Variants in ZC3HC1 observed in about 807,000 individuals in gnomAD.
The protein encoded by ZC3HC1 is zinc finger C3HC-type protein 1.
A neutral mutation model predicts 61.9 loss-of-function variants in ZC3HC1; 38 were observed. The observed-to-expected ratio is 0.61, with a 90% confidence interval of 0.47 to 0.81. ZC3HC1 has a LOEUF of 0.81. Ranked by LOEUF, ZC3HC1 falls within the 30% of genes least tolerant of loss-of-function variation. ZC3HC1 has a pLI of 0.00. For synonymous variants in ZC3HC1, 213 were observed against 229.9 expected (o/e 0.93, Z 0.67); for missense variants, 554 against 622.7 (o/e 0.89, Z 1.17).
intron 9 of ZC3HC1, among the ~76,000 whole-genome samples, chr7:130,021,708 G>A (rs1007954597): frequency 5.3e-5 from 8 of 152,150 alleles, no homozygotes; most frequent in African/African-American, 1.9e-4. Flanking sequence ...ACATGAGGCC[G>A]GAGCAGCTGC....
At chr7:130,039,137 G>A (rs1794544089) in intron 4 of ZC3HC1, 1 of 233,164 alleles carries the variant, frequency 4.3e-6, no homozygotes, top group South Asian at 9.2e-5. Flanking sequence ...CTGAGGTCAA[G>A]AGTTCGAGAC....
intron 4 of ZC3HC1, among the ~76,000 whole-genome samples, chr7:130,031,175 C>T (rs556813545): frequency 6.6e-6 from 1 of 151,526 alleles, no homozygotes; most frequent in South Asian, 2.1e-4. Flanking sequence ...ACTAAAAATA[C>T]AAAATTAGCC....
intron 4 of ZC3HC1, among the ~76,000 whole-genome samples, chr7:130,031,763 G>A (rs1239278053): frequency 2.6e-5 from 4 of 152,170 alleles, no homozygotes; most frequent in Non-Finnish European, 5.9e-5. Context: ...ATCTCTGGCT[G>A]ATGCTGAGGT....
rs375029541 is a variant in ZC3HC1, at chr7:130,034,534, A to T, written c.493+4930T>A. ...AAAAGAGACAGGGTCTTGCTCTGTC[A>T]TGCAGGCTGGAAGGCAGTGACATGA... On this transcript the variant is annotated intron_variant, in intron 4 of 9. Coordinates refer to ENST00000358303, the MANE Select transcript of ZC3HC1 (RefSeq NM_016478.5). 1.1e-4 allele frequency among the ~76,000 whole-genome samples: 17 copies of T among 149,196 alleles called. No homozygotes were observed. The South Asian group carries it at 3.6e-3, about 32-fold the overall frequency.
intron 2 of ZC3HC1, chr7:130,045,618 T>C (rs901632577): frequency 3.2e-5 from 14 of 436,172 alleles, no homozygotes; most frequent in South Asian, 2.2e-4. Context: ...AGACATCAAC[T>C]GGGCCAGGTG....
intron 9 of ZC3HC1, among the ~76,000 whole-genome samples, chr7:130,019,021 C>T (rs970802152): frequency 6.6e-6 from 1 of 151,596 alleles, no homozygotes; most frequent in Non-Finnish European, 1.5e-5. Context: ...TCTGACTTGC[C>T]GTTAGTACAG....
intron 6 of ZC3HC1, among the ~76,000 whole-genome samples, chr7:130,025,059 C>G (rs991166315): frequency 4.0e-5 from 6 of 151,198 alleles, no homozygotes; most frequent in Admixed American, 1.3e-4. Context: ...GCACCCGCCA[C>G]CATGCCCGGC....
intron 4 of ZC3HC1, among the ~76,000 whole-genome samples, chr7:130,034,355 G>C (rs1312398049): frequency 6.6e-6 from 1 of 151,486 alleles, no homozygotes; most frequent in Non-Finnish European, 1.5e-5. Flanking sequence ...TGTGGTGGCG[G>C]GCGCCTGTAG....
intron 4 of ZC3HC1, among the ~76,000 whole-genome samples, chr7:130,031,853 C>T (rs910214065): frequency 6.6e-6 from 1 of 152,182 alleles, no homozygotes. Flanking sequence ...CCCCCCACCA[C>T]ACACAGAGCT....
intron 4 of ZC3HC1, chr7:130,036,862 C>T (rs1474959004): frequency 6.6e-6 from 1 of 152,188 alleles, no homozygotes. Flanking sequence ...TTTCAGGTTT[C>T]TGGCTAGGAC....
Position 130,023,727 on chromosome 7 carries a change from A to C in ZC3HC1, c.1021-4T>G. On this transcript the variant is annotated splice_region_variant and splice_polypyrimidine_tract_variant and intron_variant, in intron 7 of 9. Transcript: ENST00000358303. This position sits in a 1 kb window ranked among gnomAD's most constrained non-coding sequence, Gnocchi z 4.2. The stretch of plus-strand genomic sequence containing the variant: ...TGGGACCAGGGCTCTTTTCAGCCTG[A>C]AGGAAAGGGGAGATAATGGAAGTAC... 1 of 1,611,040 alleles carries C rather than the reference A, an allele frequency of 6.2e-7. No individual in the cohort carries two copies. The highest frequency in any genetic ancestry group is 8.5e-7 in the Non-Finnish European group (1 of 1,177,554).
chr7:130,039,415 T>C, intron 4 of ZC3HC1, 49 bp downstream of exon 4: 3 of 1,416,966 alleles, frequency 2.1e-6, no homozygotes, highest in Non-Finnish European at 2.9e-6. Context: ...ATATTAGAAA[T>C]GCAATGATGA....
At chr7:130,043,207 G>A (rs1794747002) in intron 2 of ZC3HC1, among the ~76,000 whole-genome samples, 2 of 151,990 alleles carry the variant, frequency 1.3e-5, no homozygotes, top group African/African-American at 4.8e-5. Flanking sequence ...AACTTGGGAG[G>A]CGGAGGTTGC....
chr7:130,041,557 C>T (rs1794675078), intron 2 of ZC3HC1, among the ~76,000 whole-genome samples: 1 of 139,050 alleles, frequency 7.2e-6, no homozygotes, highest in Non-Finnish European at 1.5e-5. Context: ...CAGAGTCTTG[C>T]TCTGTCACCC....
intron 4 of ZC3HC1, among the ~76,000 whole-genome samples, chr7:130,030,293 A>G (rs1328562872): frequency 6.7e-6 from 1 of 148,412 alleles, no homozygotes; most frequent in Non-Finnish European, 1.5e-5. Context: ...TCTGCCTCCC[A>G]GGTTCAAGCA....
In ZC3HC1 at chr7:130,023,795, T is replaced by A. The variant is rs966027536; in HGVS notation, c.1021-72A>T. On this transcript the variant is annotated intron_variant, in intron 7 of 9. Transcript: ENST00000358303. This position sits in a 1 kb window ranked among gnomAD's most constrained non-coding sequence, Gnocchi z 4.2. Reference sequence around the variant, plus strand: ...TTATGGTCAGAAATACTTCTTTCTTTAATCTTTTTTCTTTTTTTTTTTGAG... The same window carrying A: ...TTATGGTCAGAAATACTTCTTTCTTAAATCTTTTTTCTTTTTTTTTTTGAG... 1 of 1,313,880 alleles carries A rather than the reference T, an allele frequency of 7.6e-7. No individual in the cohort carries two copies. The highest frequency in any genetic ancestry group is 1.0e-6 in the Non-Finnish European group (1 of 954,952). The allele number at this position is 1,313,880 out of a possible 1,614,324, so 81.4% of individuals were successfully genotyped here. A position where few individuals can be genotyped will look rare whatever the true frequency, so the allele number is the denominator to read the frequency against.
chr7:130,041,527 T>TC (rs1794672095), intron 2 of ZC3HC1, among the ~76,000 whole-genome samples: 2 of 149,648 alleles, frequency 1.3e-5, no homozygotes. Flanking sequence ...ACTCATTCTT[T>TC]TTTTTTTTTT....
intron 4 of ZC3HC1, among the ~76,000 whole-genome samples, chr7:130,032,783 A>AAGGGAGGGG (rs1794271230): frequency 1.3e-5 from 1 of 74,252 alleles, no homozygotes; most frequent in Non-Finnish European, 2.5e-5. Context: ...GAAGGGAGGG[A>AAGGGAGGGG]GGGGAGGGAA....
chr7:130,041,895 A>G (rs1794689816), intron 2 of ZC3HC1, among the ~76,000 whole-genome samples: 1 of 152,200 alleles, frequency 6.6e-6, no homozygotes, highest in Admixed American at 6.6e-5. Context: ...GGTAAAAACT[A>G]TTTTTAATGC....
Sources: allele counts gnomAD v4.1 joint callset (sites outside exome capture counted in the v4.1 genomes callset), GRCh38; gene constraint gnomAD v4.1.1; non-coding constraint Gnocchi (gnomAD v3.1); transcripts MANE v1.5; gene names NCBI Gene and HGNC (gene_info 2026-07-23, HGNC 2026-07-21).